SLC52A3: variants seen among roughly 807,000 people sequenced by gnomAD.
SLC52A3 encodes solute carrier family 52, riboflavin transporter, member 3.
Under a neutral mutation model 29.5 loss-of-function variants are expected in SLC52A3, and 20 were observed. That is an observed-to-expected ratio of 0.68 (90% CI 0.48 to 0.99). The LOEUF (loss-of-function observed/expected upper bound fraction) is 0.99. SLC52A3 is among the 50% of genes least tolerant of loss of function. The probability of loss-of-function intolerance (pLI) is 0.00; values close to 1 mark genes in which losing one functional copy is unlikely to be tolerated. For synonymous variants in SLC52A3, 301 were observed against 271.0 expected (o/e 1.11, Z -1.09); for missense variants, 548 against 612.9 (o/e 0.89, Z 1.12).
rs267606683 is a variant in SLC52A3 at position 765,564 on chromosome 20, C to T, written c.211G>A (p.Glu71Lys). 5.7e-6 allele frequency: 9 copies of T among 1,579,164 alleles called. No homozygotes were observed. The highest frequency in any genetic ancestry group is 1.9e-5 in the Admixed American group (1 of 53,350). Residue 71 changes from glutamate to lysine, a missense_variant, in exon 2 of 5, where the codon GAA becomes AAA. Physicochemically the swap from Glu to Lys is moderately conservative, Grantham distance 56 (BLOSUM62 1). Coordinates refer to ENST00000645534, the MANE Select transcript of SLC52A3 (RefSeq NM_033409.4). This position sits in a 1 kb window ranked among gnomAD's most constrained non-coding sequence, Gnocchi z 6.6. ...LHHFRPSCLSEVPIIFTLLGV... is the reference protein window; with the variant it reads ...LHHFRPSCLSKVPIIFTLLGV... Reference sequence around the variant, plus strand: ...AGCAGGGTGAAGATGATGGGCACTTCGGAAAGGCAGCTGGGCCGGAAGTGA... The same window carrying T: ...AGCAGGGTGAAGATGATGGGCACTTTGGAAAGGCAGCTGGGCCGGAAGTGA...
rs769740240 is a variant in SLC52A3 at position 765,367 on chromosome 20, G to A, written c.408C>T (p.Tyr136=). 1.9e-6 allele frequency: 3 copies of A among 1,614,046 alleles called. No homozygotes were observed. The highest frequency in any genetic ancestry group is 2.2e-5 in the East Asian group (1 of 44,882). The change falls in exon 2 of 5, where the codon TAC becomes TAT. Residue 136 remains tyrosine (Y), a synonymous_variant. Coordinates refer to ENST00000645534, the MANE Select transcript of SLC52A3 (RefSeq NM_033409.4). This position sits in a 1 kb window ranked among gnomAD's most constrained non-coding sequence, Gnocchi z 6.6. ...FLPFMSRLPT[Y]YLTTFFVGEG... ...CACCCACAAAGAAGGTGGTGAGGTA[G>A]TAGGTGGGCAGCCGGCTCATGAACG...
chr20:769,212 G>A (rs1330061378), upstream of SLC52A3, among the ~76,000 whole-genome samples: 1 of 152,248 alleles, frequency 6.6e-6, no homozygotes, highest in African/African-American at 2.4e-5. Flanking sequence ...TTAACAATTT[G>A]TTACTGTAAT....
rs1173043396 is a variant in SLC52A3, at chr20:765,059, A to G, written c.567+149T>C. On this transcript the variant is annotated intron_variant, in intron 2 of 4. Transcript: ENST00000645534. The surrounding 1 kb of genome is among the most constrained non-coding windows in gnomAD (Gnocchi z 6.6). Reference sequence around the variant, plus strand: ...CCATGCGTATGTATGTAAGTAATTAAAATGAGTTTCCTGCTGTTGATCTGC... The same window carrying G: ...CCATGCGTATGTATGTAAGTAATTAGAATGAGTTTCCTGCTGTTGATCTGC... 1 of 909,046 alleles carries G rather than the reference A, an allele frequency of 1.1e-6. No homozygotes were observed. Among genetic ancestry groups the G allele is most frequent in the Non-Finnish European group, 1.7e-6 (1 of 575,520 alleles). 56.3% of individuals were successfully genotyped at this position (909,046 alleles called of 1,614,324 possible).
rs1359033213 is a variant in SLC52A3, at chr20:761,690, C to T, written c.1197+11G>A. The T allele has an allele frequency of 2.5e-6, 4 of 1,613,472 alleles. No homozygotes were observed. Among genetic ancestry groups the T allele is most frequent in the Non-Finnish European group, 2.5e-6 (3 of 1,179,878 alleles). On this transcript the variant is annotated intron_variant, in intron 4 of 4. Transcript: ENST00000645534. ...ACGCAGCGGGAGCAGCCCCACCGGC[C>T]GGATACTCACAATGAGGACTTCCCC... is the stretch of plus-strand genomic sequence containing the variant.
chr20:761,348 C>T (rs1986468840), intron 4 of SLC52A3, 110 bp from the exon 5 acceptor site: 3 of 1,230,412 alleles, frequency 2.4e-6, no homozygotes, highest in Non-Finnish European at 2.2e-6. Flanking sequence ...TCTCTAGGTG[C>T]GAGGAGCGCC....
upstream of SLC52A3, among the ~76,000 whole-genome samples, chr20:776,964 G>T (rs1395263252): frequency 2.0e-5 from 3 of 151,884 alleles, no homozygotes; most frequent in African/African-American, 4.8e-5. Context: ...GGCGGGGCGT[G>T]GTGGGTCATG....
chr20:761,315 G>T (rs1986467380), intron 4 of SLC52A3, 77 bp from the exon 5 acceptor site: 1 of 1,414,622 alleles, frequency 7.1e-7, no homozygotes, highest in Non-Finnish European at 9.5e-7. Context: ...CTCTCACAGG[G>T]CTCAGGGGAA....
chr20:766,435 C>T (rs895623828), intron 1 of SLC52A3: 3 of 153,246 alleles, frequency 2.0e-5, no homozygotes, highest in African/African-American at 7.2e-5. Flanking sequence ...CCTTGTCAGG[C>T]CTCTGAGCCC....
rs535321841 is a variant in SLC52A3 at position 775,151 on chromosome 20, C to T, written c.-238+804G>A. Among the ~76,000 whole-genome samples the T allele has an allele frequency of 7.9e-5, 12 of 152,328 alleles. No individual in the cohort carries two copies. The South Asian group carries it at 2.5e-3, about 32-fold the overall frequency. ...AGCCTCCCCCAGGCCAGTTCCCCTC[C>T]CCTCCACGTCCATCCCAACTCCCAG... On this transcript the variant is annotated intron_variant, in intron 1 of 5. Transcript: ENST00000217254.
At chr20:763,194 A>G (rs574733757) in intron 3 of SLC52A3, among the ~76,000 whole-genome samples, 10 of 152,192 alleles carry the variant, frequency 6.6e-5, no homozygotes, top group Non-Finnish European at 1.0e-4. Context: ...CTTAGGCTGG[A>G]CCTGCCACGT....
At chr20:761,906 C>A in intron 3 of SLC52A3, 82 bp from the exon 4 acceptor site, 1 of 1,593,320 alleles carries the variant, frequency 6.3e-7, no homozygotes, top group Non-Finnish European at 8.6e-7. Flanking sequence ...ATGTGGATGG[C>A]CAGTGTCTCC....
At position 774,528 on chromosome 20, in the gene SLC52A3, C is replaced by T. The variant is rs497494; in HGVS notation, c.-238+1427G>A. Among the ~76,000 whole-genome samples the T allele has an allele frequency of 4.8e-3, 728 of 152,174 alleles. 5 individuals are homozygous for T. The highest frequency in any genetic ancestry group is 0.016 in the African/African-American group (681 of 41,506). On this transcript the variant is annotated intron_variant, in intron 1 of 5. Coordinates refer to the SLC52A3 transcript ENST00000217254. ...GGGAGTGAGAGAGAAGAGACTGAGA[C>T]AAAGAGACAGAAAGAACCGAAAGCT...
Position 765,909 on chromosome 20 carries a change from A to G in SLC52A3, c.-51-84T>C. On this transcript the variant is annotated intron_variant, in intron 1 of 4. Coordinates refer to ENST00000645534, the MANE Select transcript of SLC52A3 (RefSeq NM_033409.4). This position sits in a 1 kb window ranked among gnomAD's most constrained non-coding sequence, Gnocchi z 6.6. ...GACCTGGGGCCCAGAGTTTTCTCTTATTACTCCCCTTCCTGTGAACAAGCT... is the reference window on the plus strand; with the variant it reads ...GACCTGGGGCCCAGAGTTTTCTCTTGTTACTCCCCTTCCTGTGAACAAGCT... 1.3e-6 allele frequency: 1 copy of G among 788,668 alleles called. No homozygotes were observed. Among genetic ancestry groups the G allele is most frequent in the Non-Finnish European group, 2.1e-6 (1 of 477,780 alleles). 48.9% of individuals were successfully genotyped at this position (788,668 alleles called of 1,614,324 possible).
chr20:770,225 C>T (rs1321050759), upstream of SLC52A3, among the ~76,000 whole-genome samples: 1 of 150,696 alleles, frequency 6.6e-6, no homozygotes, highest in African/African-American at 2.4e-5. The surrounding 1 kb of genome is among the most constrained non-coding windows in gnomAD (Gnocchi z 4.5). Flanking sequence ...GGCTTGATCT[C>T]GGCTCACAGC....
rs1407823142 is a variant in SLC52A3 at position 765,839 on chromosome 20, A to G, written c.-51-14T>C. 6.7e-7 allele frequency: 1 copy of G among 1,494,150 alleles called. No individual in the cohort carries two copies. 92.6% of individuals were successfully genotyped at this position (1,494,150 alleles called of 1,614,324 possible). ...CCTGCAGCGGGGCTGGCAGAGAAGG[A>G]CACCAGGTGAGTAATTCCAGCTTCA... On this transcript the variant is annotated splice_polypyrimidine_tract_variant and intron_variant, in intron 1 of 4. Transcript: ENST00000645534. This position sits in a 1 kb window ranked among gnomAD's most constrained non-coding sequence, Gnocchi z 6.6.
chr20:777,009 G>A (rs1987060736), upstream of SLC52A3, among the ~76,000 whole-genome samples: 1 of 152,116 alleles, frequency 6.6e-6, no homozygotes, highest in South Asian at 2.1e-4. Context: ...GCCGAGGCGG[G>A]TGGATTACCT....
Position 760,635 on chromosome 20 carries a change from T to A in SLC52A3, c.*391A>T, listed in dbSNP as rs573378227. 2 of 228,998 alleles carry A rather than the reference T, an allele frequency of 8.7e-6. No homozygotes were observed. Among genetic ancestry groups the A allele is most frequent in the Non-Finnish European group, 1.7e-5 (2 of 115,604 alleles). The allele number at this position is 228,998 out of a possible 1,614,324, so 14.2% of individuals were successfully genotyped here. On this transcript the variant is annotated 3_prime_UTR_variant, in exon 5 of 5. Coordinates refer to ENST00000645534, the MANE Select transcript of SLC52A3 (RefSeq NM_033409.4). The surrounding 1 kb of genome is among the most constrained non-coding windows in gnomAD (Gnocchi z 4.9). ...GTGAGGTAGTTGGTACTTACTGGAA[T>A]CCCCACTGCATGCATGAAGAAACAG...
Position 764,006 on chromosome 20 carries a change from G to T in SLC52A3, c.568-3C>A, listed in dbSNP as rs764281465. 6.6e-7 allele frequency: 1 copy of T among 1,510,992 alleles called. No homozygotes were observed. Among genetic ancestry groups the T allele is most frequent in the Non-Finnish European group, 8.9e-7 (1 of 1,123,598 alleles). 93.6% of individuals were successfully genotyped at this position (1,510,992 alleles called of 1,614,324 possible). Reference sequence around the variant, plus strand: ...GACACCAAAGCTCTGGGAACTCCCTGCAAAGGACAAGACAGATCCCTGGTC... The same window carrying T: ...GACACCAAAGCTCTGGGAACTCCCTTCAAAGGACAAGACAGATCCCTGGTC... On this transcript the variant is annotated splice_region_variant and splice_polypyrimidine_tract_variant and intron_variant, in intron 2 of 4. Transcript: ENST00000645534.
chr20:775,268 CTTTTTT>C (rs57095806), intron 1 of SLC52A3, among the ~76,000 whole-genome samples: 6 of 133,584 alleles, frequency 4.5e-5, no homozygotes, highest in East Asian at 2.2e-4. Context: ...GGGGCCCAGT[CTTTTTT>C]TTTTTTTTTT....
Sources: allele counts gnomAD v4.1 joint callset (sites outside exome capture counted in the v4.1 genomes callset), GRCh38; gene constraint gnomAD v4.1.1; non-coding constraint Gnocchi (gnomAD v3.1); transcripts MANE v1.5; gene names NCBI Gene and HGNC (gene_info 2026-07-23, HGNC 2026-07-21).